The following DTNA variants were observed in gnomAD, a reference collection of about 807,000 sequenced individuals.
The protein encoded by DTNA is dystrobrevin alpha, also known as dystrophin-related protein 3.
Under a neutral mutation model 100.7 loss-of-function variants are expected in DTNA, and 43 were observed. The ratio of observed to expected loss-of-function variants is 0.43; its 90% confidence interval spans 0.33 to 0.55. DTNA has a LOEUF of 0.55. Ranked by LOEUF, DTNA falls within the 20% of genes least tolerant of loss-of-function variation. The probability of loss-of-function intolerance (pLI) is 0.04; values close to 1 mark genes in which losing one functional copy is unlikely to be tolerated. For missense variants in DTNA, 798 were observed against 953.9 expected (o/e 0.84, Z 2.15); for synonymous variants, 349 against 347.9 (o/e 1.00, Z -0.04).
At chr18:34,775,049 G>A (rs1247159213) in intron 3 of DTNA, among the ~76,000 whole-genome samples, 4 of 152,144 alleles carry the variant, frequency 2.6e-5, no homozygotes. Flanking sequence ...TATCCCCTGA[G>A]CAATCCCATG....
At chr18:34,583,704 A>T (rs1462562131) in intron 1 of DTNA, among the ~76,000 whole-genome samples, 1 of 152,124 alleles carries the variant, frequency 6.6e-6, no homozygotes, top group African/African-American at 2.4e-5. Context: ...TGGGAACTCC[A>T]TTGAGAACCC....
intron 1 of DTNA, among the ~76,000 whole-genome samples, chr18:34,675,051 T>C (rs910418540): frequency 6.6e-6 from 1 of 152,122 alleles, no homozygotes; most frequent in Non-Finnish European, 1.5e-5. Context: ...ATGGGACCTG[T>C]GGTAAAATTA....
chr18:34,617,645 AT>A (rs1263312495), intron 1 of DTNA, among the ~76,000 whole-genome samples: 8 of 152,176 alleles, frequency 5.3e-5, no homozygotes, highest in Non-Finnish European at 1.2e-4. Context: ...CACAGAATGA[AT>A]TAGGGAAGAG....
chr18:34,527,123 C>CT (rs1568592377), intron 1 of DTNA, among the ~76,000 whole-genome samples: 1 of 151,960 alleles, frequency 6.6e-6, no homozygotes, highest in Non-Finnish European at 1.5e-5. Flanking sequence ...CTTAAACCTC[C>CT]TTTACCTCAT....
intron 17 of DTNA, among the ~76,000 whole-genome samples, chr18:34,874,262 C>A (rs2096793584): frequency 6.6e-6 from 1 of 152,174 alleles, no homozygotes; most frequent in African/African-American, 2.4e-5. Context: ...CTCACTCTAG[C>A]AACCACAGCA....
At chr18:34,699,260 C>T (rs1166414777) in intron 1 of DTNA, among the ~76,000 whole-genome samples, 1 of 152,020 alleles carries the variant, frequency 6.6e-6, no homozygotes, top group Non-Finnish European at 1.5e-5. Flanking sequence ...GTTCAAAGGC[C>T]TGGAAACCAG....
At chr18:34,699,354 A>G (rs993896225) in intron 1 of DTNA, among the ~76,000 whole-genome samples, 2 of 152,146 alleles carry the variant, frequency 1.3e-5, no homozygotes, top group African/African-American at 4.8e-5. Flanking sequence ...ATGCAGAAAA[A>G]GCACACACTC....
chr18:34,697,765 T>C (rs2080790937), intron 1 of DTNA, among the ~76,000 whole-genome samples: 1 of 152,102 alleles, frequency 6.6e-6, no homozygotes, highest in South Asian at 2.1e-4. Flanking sequence ...CGATTCTTCC[T>C]GCTAGAGGAA....
chr18:34,774,200 T>C (rs2148664879), intron 3 of DTNA, among the ~76,000 whole-genome samples: 1 of 152,330 alleles, frequency 6.6e-6, no homozygotes, highest in Non-Finnish European at 1.5e-5. Flanking sequence ...ATCTAACAGG[T>C]GCCAAGGCAA....
At chr18:34,711,469 A>G (rs1301253342) in intron 1 of DTNA, among the ~76,000 whole-genome samples, 1 of 152,228 alleles carries the variant, frequency 6.6e-6, no homozygotes, top group African/African-American at 2.4e-5. Flanking sequence ...TTTTAGAAAT[A>G]AAACCTAATT....
At chr18:34,740,851 T>C (rs1346663752) in intron 1 of DTNA, among the ~76,000 whole-genome samples, 1 of 152,086 alleles carries the variant, frequency 6.6e-6, no homozygotes, top group Non-Finnish European at 1.5e-5. Flanking sequence ...TTAATGCTTT[T>C]TGGCTGCAAA....
chr18:34,580,022 T>C (rs953231515), intron 1 of DTNA, among the ~76,000 whole-genome samples: 2 of 152,142 alleles, frequency 1.3e-5, no homozygotes, highest in Non-Finnish European at 2.9e-5. Context: ...TTTTTTTCTC[T>C]AGTGTTTCAG....
Position 34,754,341 on chromosome 18 carries a change from C to T in DTNA, c.-1-1635C>T, listed in dbSNP as rs138071843. ...ATTTATCCTCAGGAAATCAACCCCTCTCATGGTCACACCTTTCTTTCCACT... is the reference window on the plus strand; with the variant it reads ...ATTTATCCTCAGGAAATCAACCCCTTTCATGGTCACACCTTTCTTTCCACT... On this transcript the variant is annotated intron_variant, in intron 1 of 22. Coordinates refer to ENST00000444659, the MANE Select transcript of DTNA (RefSeq NM_001386795.1). Among the ~76,000 whole-genome samples the T allele has an allele frequency of 6.2e-4, 95 of 152,344 alleles. No individual in the cohort carries two copies. The Middle Eastern group carries it at 0.024, about 38-fold the overall frequency.
At chr18:34,821,302 TTTTA>T (rs1348205373) in intron 9 of DTNA, among the ~76,000 whole-genome samples, 2 of 152,236 alleles carry the variant, frequency 1.3e-5, no homozygotes, top group Non-Finnish European at 2.9e-5. Context: ...AAGCTGTTTG[TTTTA>T]TTTCTCTGCA....
rs773504046 is a variant in DTNA at position 34,858,389 on chromosome 18, G to A, written c.1637G>A (p.Arg546Gln). The stretch of plus-strand genomic sequence containing the variant: ...AACCCCACCCTGCTGGCAGAACTCC[G>A]GCTCCTCAGGTAGGAGAGAGCACCC... The part of the protein sequence containing the change: ...QQNPTLLAEL[R>Q]LLRQRKDELE... Residue 546 changes from arginine to glutamine, a missense_variant, in exon 16 of 23, where the codon CGG becomes CAG. Physicochemically the swap from Arg to Gln is conservative, Grantham distance 43. Around this residue, in one of 6 missense-constraint regions of DTNA, gnomAD observed 26 missense variants for 55.0 expected, o/e 0.47. Transcript: ENST00000444659. 51 of 1,613,980 alleles carry A rather than the reference G, an allele frequency of 3.2e-5. No homozygotes were observed. The highest frequency in any genetic ancestry group is 3.7e-5 in the Non-Finnish European group (44 of 1,180,028).
At chr18:34,735,093 C>CAT (rs924673579) in intron 1 of DTNA, among the ~76,000 whole-genome samples, 6 of 152,084 alleles carry the variant, frequency 3.9e-5, no homozygotes, top group Admixed American at 6.6e-5. Context: ...CACACACTCA[C>CAT]ATATATATAC....
upstream of DTNA, among the ~76,000 whole-genome samples, chr18:34,707,283 G>A (rs1026420457): frequency 6.6e-6 from 1 of 152,204 alleles, no homozygotes; most frequent in Non-Finnish European, 1.5e-5. Context: ...ACCTTCTGAA[G>A]CATCATTACC....
intron 5 of DTNA, among the ~76,000 whole-genome samples, chr18:34,808,926 T>C (rs780120156): frequency 6.6e-6 from 1 of 152,180 alleles, no homozygotes; most frequent in Non-Finnish European, 1.5e-5. Flanking sequence ...TTCCCCACTT[T>C]GAGAGCAGTG....
At chr18:34,611,554 A>C (rs1168840334) in intron 1 of DTNA, among the ~76,000 whole-genome samples, 3 of 152,200 alleles carry the variant, frequency 2.0e-5, no homozygotes, top group Non-Finnish European at 4.4e-5. Context: ...GTGGCACCCG[A>C]GACTCCAGGC....
Sources: allele counts gnomAD v4.1 joint callset (sites outside exome capture counted in the v4.1 genomes callset), GRCh38; gene constraint gnomAD v4.1.1; regional missense constraint gnomAD v4.1.1; transcripts MANE v1.5; gene names NCBI Gene and HGNC (gene_info 2026-07-23, HGNC 2026-07-21).